Variants in DRG1 observed in about 807,000 individuals in gnomAD.
The protein encoded by DRG1 is developmentally regulated GTP binding protein 1.
Under a neutral mutation model 38.8 loss-of-function variants are expected in DRG1, and 19 were observed. The ratio of observed to expected loss-of-function variants is 0.49; its 90% CI spans 0.34 to 0.72. The LOEUF (loss-of-function observed/expected upper bound fraction) is 0.72, where lower values mean the gene tolerates loss of function less well. DRG1 is among the 30% of genes least tolerant of loss of function. The pLI is 0.01. For missense variants in DRG1, 299 were observed against 444.8 expected (o/e 0.67, Z 2.95); for synonymous variants, 167 against 157.5 (o/e 1.06, Z -0.45).
intron 8 of DRG1, among the ~76,000 whole-genome samples, chr22:31,430,335 T>G (rs546337188): frequency 6.6e-6 from 1 of 152,172 alleles, no homozygotes; most frequent in Admixed American, 6.5e-5. Flanking sequence ...TATCCATCTT[T>G]CCTAAAAACC....
intron 1 of DRG1, among the ~76,000 whole-genome samples, chr22:31,400,054 T>C (rs962777468): frequency 6.6e-6 from 1 of 151,928 alleles, no homozygotes; most frequent in African/African-American, 2.4e-5. Flanking sequence ...TCCGTTTTGC[T>C]CTGAGAAACA....
intron 6 of DRG1, among the ~76,000 whole-genome samples, chr22:31,423,885 A>G (rs1170084200): frequency 5.0e-5 from 6 of 121,012 alleles, no homozygotes; most frequent in Middle Eastern, 5.8e-3. Context: ...TTTTTTTGAG[A>G]TAGAGTTTCG....
intron 3 of DRG1, among the ~76,000 whole-genome samples, chr22:31,408,176 T>C (rs2049999883): frequency 7.9e-6 from 1 of 126,094 alleles, no homozygotes; most frequent in Non-Finnish European, 1.7e-5. Flanking sequence ...TCTTGCTTCA[T>C]TGCCCAGGCT....
At chr22:31,403,306 C>T (rs2145857689) in intron 3 of DRG1, 102 bp downstream of exon 3, 33 of 1,256,364 alleles carry the variant, frequency 2.6e-5, no homozygotes, top group Non-Finnish European at 3.6e-5. Flanking sequence ...CTTTGATCTA[C>T]CAGGCACTTA....
chr22:31,405,279 T>C (rs2049982738), intron 3 of DRG1, among the ~76,000 whole-genome samples: 1 of 151,876 alleles, frequency 6.6e-6, no homozygotes, highest in South Asian at 2.1e-4. Context: ...GTGATTCTTC[T>C]ACCGCAGCCT....
intron 8 of DRG1, among the ~76,000 whole-genome samples, chr22:31,432,968 G>A (rs747240772): frequency 7.9e-5 from 12 of 152,046 alleles, no homozygotes; most frequent in South Asian, 2.1e-4. Flanking sequence ...GGCAGGTCTC[G>A]GTGTCTTATT....
intron 6 of DRG1, among the ~76,000 whole-genome samples, chr22:31,425,178 TCATATTCCC>T (rs1229524338): frequency 7.2e-5 from 11 of 152,066 alleles, no homozygotes; most frequent in Non-Finnish European, 1.6e-4. Context: ...ATTATGATGG[TCATATTCCC>T]CATTTCAGTT....
chr22:31,401,269 G>A (rs1373488856), intron 2 of DRG1, among the ~76,000 whole-genome samples: 2 of 149,152 alleles, frequency 1.3e-5, no homozygotes, highest in African/African-American at 2.5e-5. Context: ...GTCCCCATAG[G>A]TATGAAAGAA....
At chr22:31,422,531 TAA>T (rs1046109298) in intron 5 of DRG1, among the ~76,000 whole-genome samples, 1 of 152,190 alleles carries the variant, frequency 6.6e-6, no homozygotes, top group Non-Finnish European at 1.5e-5. Flanking sequence ...GGAAGCCAAG[TAA>T]AGTGTTTCAC....
chr22:31,423,190 T>G, intron 5 of DRG1, 90 bp from the exon 6 acceptor site: 1 of 1,528,412 alleles, frequency 6.5e-7, no homozygotes, highest in Non-Finnish European at 8.9e-7. Flanking sequence ...GCATCTTAGC[T>G]AGAATTTTCC....
At chr22:31,421,100 A>G (rs925158374) in intron 5 of DRG1, among the ~76,000 whole-genome samples, 1 of 151,962 alleles carries the variant, frequency 6.6e-6, no homozygotes, top group South Asian at 2.1e-4. Context: ...TTGTATTTTT[A>G]GTAGAGACGG....
chr22:31,410,539 C>A (rs896865760), intron 3 of DRG1, among the ~76,000 whole-genome samples: 3 of 151,426 alleles, frequency 2.0e-5, no homozygotes, highest in Non-Finnish European at 1.5e-5. Flanking sequence ...ATAGGCTGGG[C>A]GTGGTGGCTC....
In DRG1 at chr22:31,433,853, C is replaced by G. The variant is rs887401975; in HGVS notation, c.1005-19C>G. On this transcript the variant is annotated intron_variant, in intron 8 of 8. Coordinates refer to ENST00000331457, the MANE Select transcript of DRG1 (RefSeq NM_004147.4). Reference sequence around the variant, plus strand: ...TAGGTTATTATTTACACTGACTGTTCTTTTTCCCTTCCATGCAGTGCTCTG... The same window carrying G: ...TAGGTTATTATTTACACTGACTGTTGTTTTTCCCTTCCATGCAGTGCTCTG... 17 of 1,610,842 alleles carry G rather than the reference C, an allele frequency of 1.1e-5. No homozygotes were observed. In the East Asian group the frequency reaches 3.3e-4, roughly 32 times the overall value.
chr22:31,417,499 G>A lies in DRG1; in HGVS notation c.413-2757G>A, dbSNP rs182084777. Among the ~76,000 whole-genome samples the A allele has an allele frequency of 3.3e-5, 5 of 151,978 alleles. No homozygotes were observed. The South Asian group carries it at 1.0e-3, about 32-fold the overall frequency. On this transcript the variant is annotated intron_variant, in intron 4 of 8. Transcript: ENST00000331457. ...GTTTGAGACCAGTCTGGCTATCATG[G>A]TGAAACCCTGTCTGTACTAAAAATA...
At chr22:31,424,488 C>CTTTTTTTTTTTTTTTT (rs398036881) in intron 6 of DRG1, among the ~76,000 whole-genome samples, 1 of 71,396 alleles carries the variant, frequency 1.4e-5, no homozygotes, top group Non-Finnish European at 2.4e-5. Context: ...GCTTTGGTTT[C>CTTTTTTTTTTTTTTTT]TTTTTTTTTT....
chr22:31,410,327 C>T (rs1015785447), intron 3 of DRG1, among the ~76,000 whole-genome samples: 1 of 150,412 alleles, frequency 6.6e-6, no homozygotes, highest in Admixed American at 6.6e-5. Context: ...TGGTGGCGTG[C>T]ACCTGTAGTC....
At position 31,411,039 on chromosome 22, in the gene DRG1, G is replaced by C. The variant is rs1026579715; in HGVS notation, c.370G>C (p.Gly124Arg). ...QLLDLPGIIE[G>R]AKDGKGRGRQ... ...CCTGGATCTCCCAGGTATCATTGAAGGTGCCAAGGATGGGAAAGGTAGAGG... is the reference window on the plus strand; with the variant it reads ...CCTGGATCTCCCAGGTATCATTGAACGTGCCAAGGATGGGAAAGGTAGAGG... The change falls in exon 4 of 9, where the codon GGT (glycine) becomes CGT (arginine). Residue 124 changes from glycine (G) to arginine (R), a missense_variant. By Grantham distance (125) the Gly-to-Arg change is moderately radical. This residue lies in a region of DRG1 where 50 missense variants were observed against 120.6 expected (regional missense o/e 0.41). Coordinates refer to ENST00000331457, the MANE Select transcript of DRG1 (RefSeq NM_004147.4). The C allele has an allele frequency of 6.2e-7, 1 of 1,613,886 alleles. No individual in the cohort carries two copies. Among genetic ancestry groups the C allele is most frequent in the Non-Finnish European group, 8.5e-7 (1 of 1,179,884 alleles).
intron 4 of DRG1, among the ~76,000 whole-genome samples, chr22:31,411,952 G>GT (rs2050020510): frequency 6.6e-6 from 1 of 151,006 alleles, no homozygotes; most frequent in Admixed American, 6.6e-5. Context: ...ACTTTTTTTT[G>GT]TTTTTTGATA....
chr22:31,433,762 T>C (rs765099217), intron 8 of DRG1, 110 bp from the exon 9 acceptor site: 3 of 873,670 alleles, frequency 3.4e-6, no homozygotes, highest in Non-Finnish European at 5.4e-6. Flanking sequence ...TGTAGGTCTA[T>C]GGTTCTTAAG....
Sources: allele counts gnomAD v4.1 joint callset (sites outside exome capture counted in the v4.1 genomes callset), GRCh38; gene constraint gnomAD v4.1.1; regional missense constraint gnomAD v4.1.1; transcripts MANE v1.5; gene names NCBI Gene and HGNC (gene_info 2026-07-23, HGNC 2026-07-21).